The following ADAMTSL3 variants were observed in gnomAD, a reference collection of about 807,000 sequenced individuals.
ADAMTSL3 encodes the protein ADAMTS-like protein 3.
A neutral mutation model predicts 201.7 loss-of-function variants in ADAMTSL3; 128 were observed. That is an observed-to-expected ratio of 0.63 (90% CI 0.55 to 0.73). The LOEUF (loss-of-function observed/expected upper bound fraction) is 0.73. Among genes scored for constraint, ADAMTSL3 ranks in the 30% least tolerant of loss-of-function variants. The pLI is 0.00. For synonymous variants in ADAMTSL3, 738 were observed against 748.4 expected (o/e 0.99, Z 0.23); for missense variants, 1,990 against 2,119.6 (o/e 0.94, Z 1.20).
At chr15:83,760,489 TAC>T (rs1353000863) in intron 3 of ADAMTSL3, among the ~76,000 whole-genome samples, 2 of 152,316 alleles carry the variant, frequency 1.3e-5, no homozygotes, top group Non-Finnish European at 2.9e-5. Context: ...TAGCTTTCTA[TAC>T]AGTTACATAG....
intron 22 of ADAMTSL3, among the ~76,000 whole-genome samples, chr15:83,990,326 T>C (rs2067559623): frequency 6.6e-6 from 1 of 152,252 alleles, no homozygotes; most frequent in Non-Finnish European, 1.5e-5. Flanking sequence ...TCAGCCTGGC[T>C]GTGGCACCAT....
At chr15:83,978,109 G>C (rs2067317911) in intron 20 of ADAMTSL3, among the ~76,000 whole-genome samples, 1 of 152,236 alleles carries the variant, frequency 6.6e-6, no homozygotes, top group Non-Finnish European at 1.5e-5. Context: ...GTCATGGCCA[G>C]AGCAAATGCT....
At chr15:83,858,963 G>A (rs1269932698) in intron 8 of ADAMTSL3, 123 bp downstream of exon 8, 3 of 724,894 alleles carry the variant, frequency 4.1e-6, no homozygotes, top group African/African-American at 3.6e-5. Context: ...AAGTTAATGG[G>A]TAATGTTACT....
intron 6 of ADAMTSL3, among the ~76,000 whole-genome samples, chr15:83,826,182 T>A (rs1376570616): frequency 5.9e-5 from 9 of 152,214 alleles, no homozygotes; most frequent in Non-Finnish European, 1.2e-4. Flanking sequence ...TACAGCTCAC[T>A]GTAGCCTTGG....
At chr15:83,698,102 A>G (rs534820981) in intron 2 of ADAMTSL3, among the ~76,000 whole-genome samples, 9 of 152,302 alleles carry the variant, frequency 5.9e-5, no homozygotes, top group Admixed American at 4.6e-4. Context: ...AGATTCTCCT[A>G]TGGCCCCTAT....
At chr15:83,786,982 A>C (rs1295473608) in intron 4 of ADAMTSL3, among the ~76,000 whole-genome samples, 1 of 152,224 alleles carries the variant, frequency 6.6e-6, no homozygotes, top group Non-Finnish European at 1.5e-5. Flanking sequence ...AATAGCATTT[A>C]TTGAAGGAGT....
chr15:83,700,490 G>A (rs780069572), intron 2 of ADAMTSL3, among the ~76,000 whole-genome samples: 55 of 152,172 alleles, frequency 3.6e-4, no homozygotes, highest in African/African-American at 1.1e-3. Flanking sequence ...CTGGCTGGGC[G>A]CGGTGGCTCA....
chr15:83,911,049 TA>T (rs1463702783), intron 15 of ADAMTSL3, among the ~76,000 whole-genome samples: 2 of 152,314 alleles, frequency 1.3e-5, no homozygotes, highest in East Asian at 3.9e-4. Context: ...TCCCAATTTT[TA>T]ATTTTTTATT....
chr15:83,756,602 C>T (rs1473535078), intron 3 of ADAMTSL3, among the ~76,000 whole-genome samples: 1 of 143,090 alleles, frequency 7.0e-6, no homozygotes, highest in African/African-American at 2.5e-5. Context: ...CACCCCTGCC[C>T]CCCCCCCAAA....
intron 11 of ADAMTSL3, 144 bp from the exon 12 acceptor site, chr15:83,891,185 T>A: frequency 1.7e-6 from 1 of 597,890 alleles, no homozygotes; most frequent in Non-Finnish European, 2.8e-6. Context: ...GCTGAATTTT[T>A]GGGAATGGTT....
chr15:83,862,150 A>G (rs2064877363), intron 8 of ADAMTSL3: 1 of 152,238 alleles, frequency 6.6e-6, no homozygotes, highest in Admixed American at 6.5e-5. Flanking sequence ...TGATTGGTGT[A>G]CCTGAAAGTG....
At chr15:83,924,061 AT>A in intron 17 of ADAMTSL3, 28 bp downstream of exon 17, 2 of 1,612,792 alleles carry the variant, frequency 1.2e-6, no homozygotes, top group Non-Finnish European at 1.7e-6. Flanking sequence ...TTCCTGGTAT[AT>A]ACCGTGTCCG....
chr15:83,745,548 C>T (rs909138537), intron 3 of ADAMTSL3, among the ~76,000 whole-genome samples: 4 of 152,176 alleles, frequency 2.6e-5, no homozygotes, highest in African/African-American at 9.7e-5. Flanking sequence ...TGCCAGCACC[C>T]AAAAGCACTT....
chr15:83,673,463 G>A (rs1279896596), intron 2 of ADAMTSL3, among the ~76,000 whole-genome samples: 7 of 152,182 alleles, frequency 4.6e-5, no homozygotes, highest in Non-Finnish European at 7.3e-5. Context: ...GTCTCAGTCT[G>A]TTGGCATCAT....
At chr15:83,906,060 T>C (rs2065825938) in intron 15 of ADAMTSL3, among the ~76,000 whole-genome samples, 1 of 151,686 alleles carries the variant, frequency 6.6e-6, no homozygotes, top group Non-Finnish European at 1.5e-5. Context: ...TTGAGTAAAC[T>C]ACCCACTTTG....
In ADAMTSL3 at chr15:83,783,756, A is replaced by C. The variant is rs567964168; in HGVS notation, c.317+10106A>C. Among the ~76,000 whole-genome samples the C allele has an allele frequency of 1.3e-5, 2 of 151,344 alleles. 1 individual carries two copies. Among genetic ancestry groups the C allele is most frequent in the East Asian group, 3.9e-4 (2 of 5,168 alleles). ...ATATTAGAAAAGAAAAATTGGTTGA[A>C]AAAAAAAAGTGGTGCAAGCTGCCAT... On this transcript the variant is annotated intron_variant, in intron 4 of 29. Transcript: ENST00000286744.
At position 83,976,215 on chromosome 15, in the gene ADAMTSL3, C is replaced by A. The variant is rs146705544; in HGVS notation, c.2644+5578C>A. ...CGCCTATTTCCATAGTGTAAATACT[C>A]CCATTGTAGCTGTTTTCCAGCTACC... On this transcript the variant is annotated intron_variant, in intron 20 of 29. Transcript: ENST00000286744. Among the ~76,000 whole-genome samples the A allele has an allele frequency of 7.5e-3, 1,145 of 152,188 alleles. 8 individuals are homozygous for A. Among genetic ancestry groups the A allele is most frequent in the Non-Finnish European group, 0.012 (836 of 67,998 alleles).
intron 10 of ADAMTSL3, among the ~76,000 whole-genome samples, chr15:83,888,812 C>T (rs1004107298): frequency 1.3e-5 from 2 of 152,082 alleles, no homozygotes; most frequent in African/African-American, 2.4e-5. Flanking sequence ...CATACCAGTC[C>T]GTCCTTCTGC....
chr15:83,690,043 C>A (rs1286049774), intron 2 of ADAMTSL3, among the ~76,000 whole-genome samples: 1 of 152,128 alleles, frequency 6.6e-6, no homozygotes. Flanking sequence ...TGAAACTTTG[C>A]CACTTGTCCC....
Sources: gnomAD v4.1 joint callset for allele counts (sites outside exome capture counted in the v4.1 genomes callset) on GRCh38, gnomAD v4.1.1 for gene constraint, MANE v1.5 for transcripts, NCBI Gene and HGNC (gene_info 2026-07-23, HGNC 2026-07-21) for gene names.